The following DISC1 variants were observed in gnomAD, a reference collection of about 807,000 sequenced individuals.
DISC1 encodes the protein DISC1 scaffold protein.
A neutral mutation model predicts 84.5 loss-of-function variants in DISC1; 57 were observed. The observed-to-expected ratio is 0.67, with a 90% CI of 0.55 to 0.84. The LOEUF (loss-of-function observed/expected upper bound fraction) is 0.84. Ranked by LOEUF, DISC1 falls within the 40% of genes least tolerant of loss-of-function variation. DISC1 has a pLI of 0.00. For missense variants in DISC1, 1,000 were observed against 1,057.8 expected (o/e 0.95, Z 0.76); for synonymous variants, 411 against 415.2 (o/e 0.99, Z 0.12).
At chr1:231,742,093 T>C (rs899824079) in intron 3 of DISC1, among the ~76,000 whole-genome samples, 11 of 152,318 alleles carry the variant, frequency 7.2e-5, no homozygotes, top group African/African-American at 2.6e-4. Context: ...CCTATGTGGC[T>C]CTGAAGATCA....
At chr1:231,950,783 C>T (rs1260934759) in intron 9 of DISC1, among the ~76,000 whole-genome samples, 1 of 152,176 alleles carries the variant, frequency 6.6e-6, no homozygotes, top group East Asian at 1.9e-4. Flanking sequence ...ACTATAAGCA[C>T]TCGCCACATA....
At chr1:231,920,908 T>A (rs1012305130) in intron 9 of DISC1, among the ~76,000 whole-genome samples, 2 of 146,384 alleles carry the variant, frequency 1.4e-5, no homozygotes, top group African/African-American at 2.5e-5. Flanking sequence ...AACTGCTATT[T>A]TTTTTTTTTT....
chr1:231,639,995 T>C (rs1383112572), intron 1 of DISC1, among the ~76,000 whole-genome samples: 1 of 152,220 alleles, frequency 6.6e-6, no homozygotes, highest in Non-Finnish European at 1.5e-5. Context: ...TTGTTCCCAC[T>C]AAGTAGGATA....
intron 1 of DISC1, among the ~76,000 whole-genome samples, chr1:231,642,541 A>G (rs1454261940): frequency 6.6e-6 from 1 of 152,218 alleles, no homozygotes; most frequent in African/African-American, 2.4e-5. Context: ...TATCATGGAC[A>G]GTGAAGGCTG....
intron 1 of DISC1, among the ~76,000 whole-genome samples, chr1:231,692,067 T>C (rs576153081): frequency 1.3e-5 from 2 of 152,360 alleles, no homozygotes; most frequent in East Asian, 3.9e-4. Context: ...GCATGCACTT[T>C]GGAACGAGAC....
intron 9 of DISC1, among the ~76,000 whole-genome samples, chr1:231,885,226 A>C (rs1292544935): frequency 1.3e-5 from 2 of 152,222 alleles, no homozygotes; most frequent in African/African-American, 4.8e-5. Flanking sequence ...CTCTCATGCA[A>C]AACTTCTGCT....
At chr1:231,690,695 A>G (rs2064893395) in intron 1 of DISC1, among the ~76,000 whole-genome samples, 1 of 152,204 alleles carries the variant, frequency 6.6e-6, no homozygotes, top group African/African-American at 2.4e-5. Context: ...GTGAGAAAAA[A>G]TGGCCTTTCG....
intron 3 of DISC1, among the ~76,000 whole-genome samples, chr1:231,747,673 T>A (rs1487336169): frequency 1.3e-5 from 2 of 152,198 alleles, no homozygotes; most frequent in Admixed American, 1.3e-4. Flanking sequence ...AGCTTTGTAG[T>A]ATATTTTGAG....
intron 1 of DISC1, among the ~76,000 whole-genome samples, chr1:231,658,452 T>G (rs958139641): frequency 6.6e-6 from 1 of 152,348 alleles, no homozygotes; most frequent in Middle Eastern, 3.4e-3. Flanking sequence ...CCTCTCTTCC[T>G]ATTTGAACAC....
chr1:231,941,266 T>C (rs2091323043), intron 9 of DISC1, among the ~76,000 whole-genome samples: 2 of 152,118 alleles, frequency 1.3e-5, no homozygotes, highest in Non-Finnish European at 2.9e-5. Flanking sequence ...GTGACCCCTA[T>C]TCTGCTAATT....
At chr1:231,807,619 G>A (rs143339566) in intron 8 of DISC1, among the ~76,000 whole-genome samples, 53 of 152,282 alleles carry the variant, frequency 3.5e-4, no homozygotes, top group African/African-American at 1.2e-3. Flanking sequence ...CTGGTTTTAA[G>A]CCCCGGTCCT....
chr1:231,999,976 TA>T (rs147171825), intron 10 of DISC1, among the ~76,000 whole-genome samples: 1,550 of 152,322 alleles, frequency 0.01, 30 homozygotes, highest in African/African-American at 0.035. Context: ...ATGATAAAGC[TA>T]AACAGAATTC....
Position 231,795,304 on chromosome 1 carries a change from C to T in DISC1, c.1689+8C>T. 6.2e-7 allele frequency: 1 copy of T among 1,608,802 alleles called. No individual in the cohort carries two copies. The highest frequency in any genetic ancestry group is 1.3e-5 in the African/African-American group (1 of 74,926). ...AAAGAAATCACTACTAAGGTAAGTA[C>T]CTTTATATTCCCATTTTCCAAAGAA... is the stretch of plus-strand genomic sequence containing the variant. On this transcript the variant is annotated splice_region_variant and intron_variant, in intron 7 of 12. Transcript: ENST00000439617.
intron 11 of DISC1, among the ~76,000 whole-genome samples, chr1:232,016,294 C>T (rs1406393565): frequency 6.6e-6 from 1 of 152,132 alleles, no homozygotes; most frequent in Non-Finnish European, 1.5e-5. Context: ...TTCAATATTT[C>T]TTAGCTCAAA....
intron 9 of DISC1, among the ~76,000 whole-genome samples, chr1:231,836,591 A>G (rs2082645001): frequency 6.6e-6 from 1 of 152,192 alleles, no homozygotes; most frequent in Non-Finnish European, 1.5e-5. Flanking sequence ...TACCTGTTGC[A>G]GCTGTTGGGA....
chr1:231,641,934 C>T (rs1384287249), intron 1 of DISC1, among the ~76,000 whole-genome samples: 2 of 152,196 alleles, frequency 1.3e-5, no homozygotes, highest in African/African-American at 2.4e-5. Context: ...CCTGCCAGTC[C>T]CCTGCCGTGT....
Position 231,784,248 on chromosome 1 carries a change from G to A in DISC1, c.1635-10994G>A, listed in dbSNP as rs556166802. 3.4e-5 allele frequency among the ~76,000 whole-genome samples: 5 copies of A among 147,680 alleles called. No individual in the cohort carries two copies. In the East Asian group the frequency reaches 9.8e-4, roughly 29 times the overall value. ...ATTGCACTCCAGCCTGGGTGACAGA[G>A]CGAGACTCCGTCTCAAAAAAAAAAA... On this transcript the variant is annotated intron_variant, in intron 6 of 12. Transcript: ENST00000439617.
intron 8 of DISC1, among the ~76,000 whole-genome samples, chr1:231,801,821 G>GTT (rs1270795717): frequency 1.1e-4 from 15 of 139,482 alleles, no homozygotes; most frequent in East Asian, 2.1e-4. Context: ...AAGGATCTTG[G>GTT]TTTTTTTTTT....
Position 231,966,455 on chromosome 1 carries a change from GCTTTA to G in DISC1, c.2042+7573_2042+7577del, listed in dbSNP as rs1427675353. Among the ~76,000 whole-genome samples, 6 of 152,102 alleles carry G rather than the reference GCTTTA, an allele frequency of 3.9e-5. No homozygotes were observed. In the East Asian group the frequency reaches 1.2e-3, roughly 29 times the overall value. On this transcript the variant is annotated intron_variant, in intron 10 of 12. Coordinates refer to ENST00000439617, the MANE Select transcript of DISC1 (RefSeq NM_018662.3). ...AAGGGTCAAATGAAATATTCAGAAGGCTTTACTTTATAGATGGGTTCCTGTTGAAA... is the reference window on the plus strand; with the variant it reads ...AAGGGTCAAATGAAATATTCAGAAGGCTTTATAGATGGGTTCCTGTTGAAA...
Sources: gnomAD v4.1 joint callset for allele counts (sites outside exome capture counted in the v4.1 genomes callset) on GRCh38, gnomAD v4.1.1 for gene constraint, MANE v1.5 for transcripts, NCBI Gene and HGNC (gene_info 2026-07-23, HGNC 2026-07-21) for gene names.